Variants in DPYD observed in about 807,000 individuals in gnomAD.
DPYD encodes dihydropyrimidine dehydrogenase.
Under a neutral mutation model 116.2 loss-of-function variants are expected in DPYD, and 109 were observed. The ratio of observed to expected loss-of-function variants is 0.94; its 90% CI spans 0.80 to 1.10. DPYD has a LOEUF of 1.10. Among genes scored for constraint, DPYD ranks in the 50% least tolerant of loss-of-function variants. The pLI is 0.00. For missense variants in DPYD, 1,302 were observed against 1,254.5 expected (o/e 1.04, Z -0.57); for synonymous variants, 440 against 432.0 (o/e 1.02, Z -0.23).
intron 2 of DPYD, among the ~76,000 whole-genome samples, chr1:97,859,067 A>G (rs1670988973): frequency 6.6e-6 from 1 of 151,792 alleles, no homozygotes; most frequent in Admixed American, 6.6e-5. Flanking sequence ...CTCCTTTTTG[A>G]ATCATTTCCT....
At chr1:97,112,035 C>T (rs1055689421) in intron 20 of DPYD, among the ~76,000 whole-genome samples, 1 of 152,022 alleles carries the variant, frequency 6.6e-6, no homozygotes, top group African/African-American at 2.4e-5. Flanking sequence ...GCCTCTTTGC[C>T]ATCATTATAG....
chr1:97,243,484 AAAGT>A (rs1407206159), intron 18 of DPYD, among the ~76,000 whole-genome samples: 3 of 151,878 alleles, frequency 2.0e-5, no homozygotes, highest in African/African-American at 7.2e-5. Flanking sequence ...ACTCTGTTAG[AAAGT>A]ATGGGTCCAG....
At chr1:97,229,411 C>T (rs1315381736) in intron 19 of DPYD, among the ~76,000 whole-genome samples, 2 of 149,580 alleles carry the variant, frequency 1.3e-5, no homozygotes, top group East Asian at 3.9e-4. Flanking sequence ...TTAGGTTAAC[C>T]CAAGATTAGG....
intron 14 of DPYD, among the ~76,000 whole-genome samples, chr1:97,446,363 G>A (rs1400287453): frequency 6.6e-6 from 1 of 152,120 alleles, no homozygotes; most frequent in Non-Finnish European, 1.5e-5. Flanking sequence ...GGAGTCCCTG[G>A]TACACATAAA....
At chr1:97,773,285 C>T (rs1372059813) in intron 3 of DPYD, among the ~76,000 whole-genome samples, 1 of 152,178 alleles carries the variant, frequency 6.6e-6, no homozygotes, top group Admixed American at 6.5e-5. Flanking sequence ...TTAATTCCAA[C>T]ACTCTTAATC....
At chr1:97,870,203 G>A (rs1671588104) in intron 2 of DPYD, among the ~76,000 whole-genome samples, 1 of 151,776 alleles carries the variant, frequency 6.6e-6, no homozygotes, top group Non-Finnish European at 1.5e-5. Context: ...TTAGAAATTT[G>A]AAAGAAAAGA....
intron 20 of DPYD, among the ~76,000 whole-genome samples, chr1:97,161,873 C>T (rs2101746173): frequency 6.6e-6 from 1 of 151,908 alleles, no homozygotes; most frequent in Non-Finnish European, 1.5e-5. Context: ...TTTCCAATTT[C>T]ATCCATGTCC....
chr1:97,865,275 T>A (rs546233049), intron 2 of DPYD, among the ~76,000 whole-genome samples: 5 of 151,940 alleles, frequency 3.3e-5, no homozygotes, highest in African/African-American at 1.2e-4. Flanking sequence ...ATGAGATGCA[T>A]TTAATTTTTC....
chr1:97,249,109 T>C (rs10875057), intron 18 of DPYD, among the ~76,000 whole-genome samples: 53,561 of 152,008 alleles, frequency 0.35, 9,620 homozygotes, highest in Middle Eastern at 0.46. Flanking sequence ...TTCTTAACAT[T>C]ATTTAAAAAT....
At chr1:97,683,007 T>A (rs115829457) in intron 7 of DPYD, among the ~76,000 whole-genome samples, 1,866 of 152,144 alleles carry the variant, frequency 0.012, 46 homozygotes, top group African/African-American at 0.043. Context: ...TATGTATTCA[T>A]ATACATAGTA....
At chr1:97,802,270 T>C (rs1030283279) in intron 3 of DPYD, among the ~76,000 whole-genome samples, 1 of 151,928 alleles carries the variant, frequency 6.6e-6, no homozygotes, top group Non-Finnish European at 1.5e-5. Flanking sequence ...TATGAACATA[T>C]GAACATAAGC....
At chr1:97,573,173 AATCATT>A (rs964519223) in intron 11 of DPYD, among the ~76,000 whole-genome samples, 5 of 152,110 alleles carry the variant, frequency 3.3e-5, no homozygotes, top group African/African-American at 9.6e-5. Context: ...TACTTGACTG[AATCATT>A]ATTCAGTTGA....
At chr1:97,148,638 C>A (rs945224851) in intron 20 of DPYD, among the ~76,000 whole-genome samples, 10 of 152,214 alleles carry the variant, frequency 6.6e-5, no homozygotes, top group Middle Eastern at 3.4e-3. Context: ...TGGATTACTA[C>A]ATATTGGGAG....
chr1:97,102,396 CATATATATATATAT>C (rs372249411), intron 20 of DPYD, among the ~76,000 whole-genome samples: 1 of 97,302 alleles, frequency 1.0e-5, no homozygotes, highest in Non-Finnish European at 2.0e-5. Flanking sequence ...CACTCAGTAT[CATATATATATATAT>C]ATATATATAT....
chr1:97,591,613 G>T (rs1168217359), intron 10 of DPYD, among the ~76,000 whole-genome samples: 1 of 152,160 alleles, frequency 6.6e-6, no homozygotes. Flanking sequence ...AATGGAAGAT[G>T]ACTATGATAT....
In DPYD at chr1:97,406,259, G is replaced by A. The variant is rs536564352; in HGVS notation, c.1906-23798C>T. Among the ~76,000 whole-genome samples the A allele has an allele frequency of 5.1e-5, 7 of 136,602 alleles. No individual in the cohort carries two copies. In the East Asian group the frequency reaches 1.4e-3, roughly 27 times the overall value. 89.6% of individuals were successfully genotyped at this position (136,602 alleles called of 152,430 possible). ...TCTTACAATCTAAGAAGAGCTGTTG[G>A]TTTTTAGTCTCTTTAGCTTTTTTTT... is the stretch of plus-strand genomic sequence containing the variant. On this transcript the variant is annotated intron_variant, in intron 14 of 22. Transcript: ENST00000370192.
chr1:97,249,128 T>C (rs1051573481), intron 18 of DPYD, among the ~76,000 whole-genome samples: 8 of 152,156 alleles, frequency 5.3e-5, no homozygotes, highest in Non-Finnish European at 1.0e-4. Flanking sequence ...ATACAAAGGA[T>C]GTAGATTAGC....
At chr1:97,336,076 T>C (rs1198115742) in intron 16 of DPYD, among the ~76,000 whole-genome samples, 2 of 152,222 alleles carry the variant, frequency 1.3e-5, no homozygotes, top group Non-Finnish European at 2.9e-5. Flanking sequence ...AATATTCATA[T>C]TTTAAAAGAA....
At chr1:97,332,127 TG>T (rs1669041972) in intron 16 of DPYD, among the ~76,000 whole-genome samples, 1 of 152,182 alleles carries the variant, frequency 6.6e-6, no homozygotes, top group South Asian at 2.1e-4. Flanking sequence ...CTAGATCTAC[TG>T]TCCAGAGTCA....
Sources: gnomAD v4.1 joint callset for allele counts (sites outside exome capture counted in the v4.1 genomes callset) on GRCh38, gnomAD v4.1.1 for gene constraint, MANE v1.5 for transcripts, NCBI Gene and HGNC (gene_info 2026-07-23, HGNC 2026-07-21) for gene names.